The following SCFD1 variants were observed in gnomAD, a reference collection of about 807,000 sequenced individuals.
The protein encoded by SCFD1 is sec1 family domain containing 1, also known as sec1 family domain-containing protein 1.
In SCFD1, 37 loss-of-function variants were observed where a neutral mutation model predicts 103.2. The observed-to-expected ratio is 0.36, with a 90% confidence interval of 0.28 to 0.47. The LOEUF (loss-of-function observed/expected upper bound fraction) is 0.47, where lower values mean the gene tolerates loss of function less well. Ranked by LOEUF, SCFD1 falls within the 20% of genes least tolerant of loss-of-function variation. The pLI, the probability that SCFD1 is intolerant of heterozygous loss-of-function variation, is 1.00. For missense variants in SCFD1, 639 were observed against 761.2 expected (o/e 0.84, Z 1.89); for synonymous variants, 264 against 245.0 (o/e 1.08, Z -0.73).
At chr14:30,706,196 C>G (rs1327929068) in intron 18 of SCFD1, among the ~76,000 whole-genome samples, 1 of 152,132 alleles carries the variant, frequency 6.6e-6, no homozygotes, top group Non-Finnish European at 1.5e-5. Context: ...CATTCAGATT[C>G]TCACTTTAAA....
At chr14:30,664,874 C>T (rs1352096327) in intron 10 of SCFD1, among the ~76,000 whole-genome samples, 1 of 152,112 alleles carries the variant, frequency 6.6e-6, no homozygotes, top group South Asian at 2.1e-4. Context: ...TGAACAAAGC[C>T]TCCAAGAAAT....
At chr14:30,656,660 C>T (rs578204932) in intron 10 of SCFD1, among the ~76,000 whole-genome samples, 2 of 151,628 alleles carry the variant, frequency 1.3e-5, no homozygotes, top group South Asian at 4.2e-4. Context: ...GGAAAGAGGG[C>T]AAGTAAAGAG....
intron 10 of SCFD1, among the ~76,000 whole-genome samples, chr14:30,662,131 G>A (rs1040751168): frequency 5.9e-5 from 9 of 152,260 alleles, no homozygotes; most frequent in South Asian, 4.1e-4. Context: ...ACACACAAAT[G>A]TATTCATGTG....
intron 19 of SCFD1, among the ~76,000 whole-genome samples, chr14:30,709,738 G>T (rs1209795394): frequency 6.6e-6 from 1 of 152,136 alleles, no homozygotes; most frequent in African/African-American, 2.4e-5. Context: ...TTACGGCTTA[G>T]CCTGCGCCCG....
chr14:30,709,377 C>T (rs1193917422), intron 19 of SCFD1, among the ~76,000 whole-genome samples: 2 of 152,018 alleles, frequency 1.3e-5, no homozygotes, highest in Non-Finnish European at 2.9e-5. Flanking sequence ...GGACTACAGG[C>T]ACGCACCGCC....
chr14:30,707,694 A>G (rs1040428382), intron 18 of SCFD1: 8 of 356,628 alleles, frequency 2.2e-5, no homozygotes, highest in East Asian at 1.4e-4. Flanking sequence ...AAAAAAAAAT[A>G]TAGCTAAGAC....
chr14:30,653,704 C>G, intron 10 of SCFD1, 116 bp downstream of exon 10: 1 of 645,598 alleles, frequency 1.5e-6, no homozygotes, highest in Non-Finnish European at 2.6e-6. Context: ...GAACTGAGAC[C>G]TATGAACAAA....
At chr14:30,650,208 C>A (rs887235015) in intron 8 of SCFD1, among the ~76,000 whole-genome samples, 1 of 152,188 alleles carries the variant, frequency 6.6e-6, no homozygotes, top group Non-Finnish European at 1.5e-5. Flanking sequence ...CTCCTACCCA[C>A]CCAAGTCAAC....
At chr14:30,634,832 A>G (rs761076000) in intron 4 of SCFD1, 2 of 456,014 alleles carry the variant, frequency 4.4e-6, no homozygotes, top group East Asian at 7.0e-5. Flanking sequence ...GAAGAGGGAC[A>G]TGGACTGTGC....
At chr14:30,642,127 G>A (rs954108113) in intron 6 of SCFD1, among the ~76,000 whole-genome samples, 1 of 151,322 alleles carries the variant, frequency 6.6e-6, no homozygotes, top group Non-Finnish European at 1.5e-5. Context: ...TCTCTCTGTC[G>A]CCCAGGCTGG....
At chr14:30,734,297 G>A (rs1450288405) in intron 23 of SCFD1, among the ~76,000 whole-genome samples, 2 of 152,182 alleles carry the variant, frequency 1.3e-5, no homozygotes, top group African/African-American at 4.8e-5. Flanking sequence ...TTGTAACTGT[G>A]ACTTTTATTC....
At chr14:30,654,566 T>G (rs558010200) in intron 10 of SCFD1, among the ~76,000 whole-genome samples, 1 of 151,636 alleles carries the variant, frequency 6.6e-6, no homozygotes, top group East Asian at 1.9e-4. Context: ...CCTAACTATT[T>G]GGGTGGCTGA....
chr14:30,627,117 T>C (rs1883549905), intron 1 of SCFD1, among the ~76,000 whole-genome samples: 1 of 152,184 alleles, frequency 6.6e-6, no homozygotes, highest in Non-Finnish European at 1.5e-5. Flanking sequence ...TATACTCTCT[T>C]GAATATTTGG....
intron 14 of SCFD1, among the ~76,000 whole-genome samples, chr14:30,675,874 A>C (rs985715679): frequency 2.0e-5 from 3 of 152,234 alleles, no homozygotes; most frequent in Non-Finnish European, 2.9e-5. Context: ...TTAGAAAGGC[A>C]CTAACATAGA....
At position 30,735,646 on chromosome 14, in the gene SCFD1, G is replaced by A. The variant is rs1381365075; in HGVS notation, c.*37G>A. 1 of 1,497,968 alleles carries A rather than the reference G, an allele frequency of 6.7e-7. No homozygotes were observed. The highest frequency in any genetic ancestry group is 1.9e-5 in the Admixed American group (1 of 53,264). 92.8% of individuals were successfully genotyped at this position (1,497,968 alleles called of 1,614,324 possible). On this transcript the variant is annotated 3_prime_UTR_variant, in exon 25 of 25. Transcript: ENST00000458591. ...CTTACTATGATAATCTACTTGGAAT[G>A]TGGATAAATGTAAAAAGAAGAAAAG...
chr14:30,628,269 C>A lies in SCFD1; in HGVS notation c.122C>A (p.Pro41Gln). 6.2e-7 allele frequency: 1 copy of A among 1,607,192 alleles called. No individual in the cohort carries two copies. The highest frequency in any genetic ancestry group is 8.5e-7 in the Non-Finnish European group (1 of 1,174,290). The stretch of plus-strand genomic sequence containing the variant: ...CATATTAAAAACAGCACAGGAGAAC[C>A]AGTATGGAAGGTAAGAGTTTATCTT... ...VPHIKNSTGE[P>Q]VWKVLIYDRF... The change falls in exon 2 of 25, where the codon CCA (proline) becomes CAA (glutamine). Residue 41 changes from proline to glutamine, a missense_variant. Coordinates refer to ENST00000458591, the MANE Select transcript of SCFD1 (RefSeq NM_016106.4).
intron 5 of SCFD1, among the ~76,000 whole-genome samples, chr14:30,638,622 C>T (rs996739491): frequency 6.6e-6 from 1 of 152,114 alleles, no homozygotes; most frequent in Non-Finnish European, 1.5e-5. Context: ...AATCATCATA[C>T]TATTTCCAGA....
At chr14:30,692,417 T>C (rs2139303127) in intron 14 of SCFD1, among the ~76,000 whole-genome samples, 1 of 152,174 alleles carries the variant, frequency 6.6e-6, no homozygotes, top group African/African-American at 2.4e-5. Context: ...TAATGAGTTA[T>C]TTTGGCCAAG....
intron 17 of SCFD1, among the ~76,000 whole-genome samples, chr14:30,704,711 T>C (rs1438809802): frequency 2.6e-5 from 4 of 152,198 alleles, no homozygotes; most frequent in Admixed American, 1.3e-4. Context: ...TTTTCCCTTA[T>C]AAAATTTTCT....
Sources: gnomAD v4.1 joint callset for allele counts (sites outside exome capture counted in the v4.1 genomes callset) on GRCh38, gnomAD v4.1.1 for gene constraint, MANE v1.5 for transcripts, NCBI Gene and HGNC (gene_info 2026-07-23, HGNC 2026-07-21) for gene names.